ETV1: variants seen among roughly 807,000 people sequenced by gnomAD.
The protein encoded by ETV1 is ETS translocation variant 1.
A neutral mutation model predicts 62.3 loss-of-function variants in ETV1; 27 were observed. That is an observed-to-expected ratio of 0.43 (90% CI 0.32 to 0.60). ETV1 has a LOEUF of 0.60. Ranked by LOEUF, ETV1 falls within the 20% of genes least tolerant of loss-of-function variation. The probability of loss-of-function intolerance (pLI) is 0.06; values close to 1 mark genes in which losing one functional copy is unlikely to be tolerated. For synonymous variants in ETV1, 222 were observed against 199.6 expected (o/e 1.11, Z -0.94); for missense variants, 605 against 605.8 (o/e 1.00, Z 0.01).
chr7:13,907,252 A>G lies in ETV1; in HGVS notation c.941-653T>C, dbSNP rs951437949. ...CCTTCACCGCATCATATACCTTCCT[A>G]TTAAAGCTACTACTTTTTCAACTGG... On this transcript the variant is annotated intron_variant, in intron 11 of 13. Coordinates refer to ENST00000430479, the MANE Select transcript of ETV1 (RefSeq NM_004956.5). Among the ~76,000 whole-genome samples, 6 of 152,242 alleles carry G rather than the reference A, an allele frequency of 3.9e-5. No homozygotes were observed. In the East Asian group the frequency reaches 7.7e-4, roughly 20 times the overall value.
chr7:13,978,299 T>G (rs184068271), intron 5 of ETV1, among the ~76,000 whole-genome samples: 11 of 152,180 alleles, frequency 7.2e-5, no homozygotes, highest in Non-Finnish European at 5.9e-5. Flanking sequence ...ATTTTTCACT[T>G]CTAAAATGTT....
chr7:13,925,856 C>T (rs1447522848), intron 9 of ETV1, among the ~76,000 whole-genome samples: 1 of 151,962 alleles, frequency 6.6e-6, no homozygotes, highest in Admixed American at 6.6e-5. Context: ...GCGCCTGGCC[C>T]GACTGATTTT....
At chr7:13,966,544 G>A (rs1012422742) in intron 6 of ETV1, among the ~76,000 whole-genome samples, 2 of 152,044 alleles carry the variant, frequency 1.3e-5, no homozygotes, top group Non-Finnish European at 2.9e-5. Context: ...AGTCATCTGA[G>A]CCCAGGAGAT....
At chr7:13,900,472 T>G (rs188112107) in intron 13 of ETV1, 4 of 345,502 alleles carry the variant, frequency 1.2e-5, no homozygotes, top group African/African-American at 8.4e-5. Context: ...CTATTAATAC[T>G]AAAACAATCT....
At chr7:13,986,222 G>C in intron 5 of ETV1, 1 of 1,559,596 alleles carries the variant, frequency 6.4e-7, no homozygotes, top group Non-Finnish European at 8.7e-7. Context: ...CATCAGAAAA[G>C]TCCTCCACCA....
At chr7:13,971,430 T>G (rs968246051) in intron 6 of ETV1, among the ~76,000 whole-genome samples, 1 of 152,216 alleles carries the variant, frequency 6.6e-6, no homozygotes, top group Non-Finnish European at 1.5e-5. Flanking sequence ...TCCTCTAGTA[T>G]TGTATTACAG....
chr7:13,955,727 A>G (rs1789357912), intron 6 of ETV1, among the ~76,000 whole-genome samples: 1 of 152,236 alleles, frequency 6.6e-6, no homozygotes, highest in South Asian at 2.1e-4. Context: ...CACAGATCAC[A>G]TTTCCATACC....
chr7:13,896,760 G>GAAAGAAAGAAAGA (rs1781863960), intron 13 of ETV1, among the ~76,000 whole-genome samples: 2 of 130,358 alleles, frequency 1.5e-5, no homozygotes, highest in Non-Finnish European at 3.2e-5. Flanking sequence ...AAGAAAGAAA[G>GAAAGAAAGAAAGA]AAAGAAAGAA....
chr7:13,988,630 A>G, intron 3 of ETV1: 1 of 1,533,250 alleles, frequency 6.5e-7, no homozygotes, highest in Non-Finnish European at 8.7e-7. Flanking sequence ...GAAAAAAAAA[A>G]GAAACAAAAA....
At chr7:13,901,908 ATG>A (rs1782475167) in intron 12 of ETV1, among the ~76,000 whole-genome samples, 1 of 152,132 alleles carries the variant, frequency 6.6e-6, no homozygotes, top group African/African-American at 2.4e-5. Flanking sequence ...TGGAGGAGCA[ATG>A]TATCTAAGAG....
At chr7:13,896,394 T>A (rs1393527710) in intron 13 of ETV1, among the ~76,000 whole-genome samples, 1 of 152,164 alleles carries the variant, frequency 6.6e-6, no homozygotes, top group Non-Finnish European at 1.5e-5. Flanking sequence ...ATCGTTGTTT[T>A]GAAAAAAAGT....
intron 6 of ETV1, among the ~76,000 whole-genome samples, chr7:13,947,404 A>AC (rs1314199395): frequency 2.0e-5 from 3 of 151,780 alleles, no homozygotes; most frequent in Non-Finnish European, 4.4e-5. Context: ...AAAAAAAAAA[A>AC]AAAACAAACT....
At chr7:13,977,404 G>C (rs2128501210) in intron 6 of ETV1, 23 bp downstream of exon 6, 3 of 1,455,472 alleles carry the variant, frequency 2.1e-6, no homozygotes, top group Non-Finnish European at 2.8e-6. Flanking sequence ...AAAAATACAA[G>C]AGATGAGTCA....
chr7:13,926,938 T>A (rs1785493039), intron 9 of ETV1, among the ~76,000 whole-genome samples: 1 of 152,204 alleles, frequency 6.6e-6, no homozygotes, highest in Non-Finnish European at 1.5e-5. Flanking sequence ...GAAATTGCAT[T>A]CCTGTAATTA....
At chr7:13,896,690 AAGAG>A (rs796936399) in intron 13 of ETV1, among the ~76,000 whole-genome samples, 1 of 61,064 alleles carries the variant, frequency 1.6e-5, no homozygotes, top group Non-Finnish European at 3.4e-5. Flanking sequence ...AAAGAAAGAA[AAGAG>A]AGAGAGAAAG....
At chr7:13,981,509 A>G (rs1781983507) in intron 5 of ETV1, among the ~76,000 whole-genome samples, 1 of 118,444 alleles carries the variant, frequency 8.4e-6, no homozygotes, top group South Asian at 2.5e-4. Context: ...AGTTACATAC[A>G]TACATACATA....
intron 5 of ETV1, among the ~76,000 whole-genome samples, chr7:13,984,232 C>G (rs1489449620): frequency 1.3e-5 from 2 of 151,926 alleles, no homozygotes; most frequent in Non-Finnish European, 2.9e-5. Flanking sequence ...GTCAAGATGT[C>G]TTAAAATTCC....
chr7:13,964,328 T>C (rs1047242154), intron 6 of ETV1, among the ~76,000 whole-genome samples: 9 of 152,172 alleles, frequency 5.9e-5, no homozygotes, highest in African/African-American at 1.9e-4. Flanking sequence ...GTGGCCTTGA[T>C]AGTATTTGAC....
chr7:13,937,531 T>C (rs1434219760), intron 7 of ETV1, among the ~76,000 whole-genome samples: 1 of 152,200 alleles, frequency 6.6e-6, no homozygotes, highest in Non-Finnish European at 1.5e-5. Flanking sequence ...TATTGATTTG[T>C]GGATGTCAGA....
Sources: gnomAD v4.1 joint callset for allele counts (sites outside exome capture counted in the v4.1 genomes callset) on GRCh38, gnomAD v4.1.1 for gene constraint, MANE v1.5 for transcripts, NCBI Gene and HGNC (gene_info 2026-07-23, HGNC 2026-07-21) for gene names.